Variants in ROBO1 observed in about 807,000 individuals in gnomAD.
The protein encoded by ROBO1 is roundabout homolog 1.
Under a neutral mutation model 195.9 loss-of-function variants are expected in ROBO1, and 149 were observed. The observed-to-expected ratio is 0.76, with a 90% confidence interval of 0.67 to 0.87. ROBO1 has a LOEUF of 0.87. Among genes scored for constraint, ROBO1 ranks in the 40% least tolerant of loss-of-function variants. The pLI, the probability that ROBO1 is intolerant of heterozygous loss-of-function variation, is 0.00. For missense variants in ROBO1, 1,933 were observed against 2,068.3 expected, an observed-to-expected ratio of 0.93 and a Z score of 1.27; for synonymous variants, 816 against 733.2, an observed-to-expected ratio of 1.11 and a Z score of -1.82.
intron 8 of ROBO1, chr3:78,693,406 C>CATA (rs1270564771): frequency 5.3e-6 from 7 of 1,326,202 alleles, no homozygotes; most frequent in Non-Finnish European, 6.3e-6. Context: ...AATAAGGAAA[C>CATA]ATAAAATGAA....
chr3:79,174,783 G>A (rs563480004), intron 2 of ROBO1, among the ~76,000 whole-genome samples: 1 of 151,356 alleles, frequency 6.6e-6, no homozygotes, highest in African/African-American at 2.4e-5. Flanking sequence ...GGCAACCTGG[G>A]AGGCGGAGCT....
At chr3:78,981,420 T>C (rs911813363) in intron 3 of ROBO1, among the ~76,000 whole-genome samples, 11 of 152,208 alleles carry the variant, frequency 7.2e-5, no homozygotes, top group Admixed American at 3.9e-4. Context: ...GTAGCACTTA[T>C]GTCTACATTA....
intron 4 of ROBO1, among the ~76,000 whole-genome samples, chr3:78,936,731 G>T (rs1241881090): frequency 6.6e-6 from 1 of 151,988 alleles, no homozygotes; most frequent in Non-Finnish European, 1.5e-5. Flanking sequence ...GCATTCATGG[G>T]TATTTGTATA....
At chr3:78,883,122 C>CT (rs1056096095) in intron 4 of ROBO1, among the ~76,000 whole-genome samples, 1 of 151,946 alleles carries the variant, frequency 6.6e-6, no homozygotes, top group African/African-American at 2.4e-5. Context: ...CATTCCCAAT[C>CT]TTTTCTCTCA....
In ROBO1 at chr3:78,946,920, C is replaced by T. The variant is rs146572269; in HGVS notation, c.173-7993G>A. On this transcript the variant is annotated intron_variant, in intron 3 of 30. Coordinates refer to ENST00000464233, the MANE Select transcript of ROBO1 (RefSeq NM_002941.4). ...TTAAACCAACAAAGATGAAAAGAGA[C>T]AAAGAAGGCTATTACATAATGGTAG... Among the ~76,000 whole-genome samples the T allele has an allele frequency of 7.4e-3, 1,120 of 152,184 alleles. 12 individuals are homozygous for T. The highest frequency in any genetic ancestry group is 0.026 in the African/African-American group (1,080 of 41,502).
chr3:78,746,635 C>A (rs960980580), intron 5 of ROBO1, 108 bp downstream of exon 5: 6 of 929,374 alleles, frequency 6.5e-6, no homozygotes, highest in Non-Finnish European at 7.4e-6. Flanking sequence ...TGGGAGCTGA[C>A]GCAAGCCTTT....
Position 78,694,032 on chromosome 3 carries a change from C to T in ROBO1, c.1046-5260G>A, listed in dbSNP as rs370518157. Among the ~76,000 whole-genome samples, 4 of 152,156 alleles carry T rather than the reference C, an allele frequency of 2.6e-5. No homozygotes were observed. In the South Asian group the frequency reaches 8.3e-4, roughly 32 times the overall value. On this transcript the variant is annotated intron_variant, in intron 8 of 30. Coordinates refer to ENST00000464233, the MANE Select transcript of ROBO1 (RefSeq NM_002941.4). ...AAAAGGTGTTGCATTTAAATTCTTG[C>T]ATATTTTTAATTGAGATGGTGCATA...
In ROBO1 at chr3:78,627,407, C is replaced by CA; in HGVS notation, c.3788dup (p.Thr1264AspfsTer89). On this transcript the variant is annotated frameshift_variant, in exon 26 of 31. Coordinates refer to ENST00000464233, the MANE Select transcript of ROBO1 (RefSeq NM_002941.4). LOFTEE classifies it high-confidence loss of function. The stretch of plus-strand genomic sequence containing the variant: ...GGAGTTCTTCCTGTGGGGAGGGAGT[C>CA]AGAGTGGCAGTGGACTGATGGCTAT... 1 of 1,612,618 alleles carries CA rather than the reference C, an allele frequency of 6.2e-7. No homozygotes were observed. The highest frequency in any genetic ancestry group is 8.5e-7 in the Non-Finnish European group (1 of 1,179,362).
intron 1 of ROBO1, among the ~76,000 whole-genome samples, chr3:79,759,901 CA>C (rs538506294): frequency 2.6e-5 from 4 of 151,824 alleles, no homozygotes; most frequent in Non-Finnish European, 5.9e-5. Context: ...GCACATAAAA[CA>C]AAAAATCAAT....
chr3:79,352,887 C>A (rs1457283156), intron 2 of ROBO1, among the ~76,000 whole-genome samples: 1 of 152,044 alleles, frequency 6.6e-6, no homozygotes. Flanking sequence ...TATATATATA[C>A]ACTCATTTAA....
At chr3:79,243,834 A>G (rs1213606013) in intron 2 of ROBO1, among the ~76,000 whole-genome samples, 1 of 152,072 alleles carries the variant, frequency 6.6e-6, no homozygotes, top group African/African-American at 2.4e-5. Context: ...CTTTAGTTTA[A>G]TTAGATCCCA....
In ROBO1 at chr3:79,494,058, G is replaced by T. The variant is rs569507728; in HGVS notation, c.88+95766C>A. Among the ~76,000 whole-genome samples the T allele has an allele frequency of 2.0e-5, 3 of 152,284 alleles. No homozygotes were observed. The South Asian group carries it at 6.2e-4, about 32-fold the overall frequency. On this transcript the variant is annotated intron_variant, in intron 2 of 30. Coordinates refer to ENST00000464233, the MANE Select transcript of ROBO1 (RefSeq NM_002941.4). Reference sequence around the variant, plus strand: ...ACTATTTGCTCTAAAAGTCATGTAAGAATAAGACTGCTTATTAGAAATCTC... The same window carrying T: ...ACTATTTGCTCTAAAAGTCATGTAATAATAAGACTGCTTATTAGAAATCTC...
At chr3:79,585,421 G>A (rs1367589363) in intron 2 of ROBO1, among the ~76,000 whole-genome samples, 2 of 151,866 alleles carry the variant, frequency 1.3e-5, no homozygotes, top group Non-Finnish European at 2.9e-5. Flanking sequence ...TGTGTATTGA[G>A]CTAATGCCTT....
At chr3:79,188,284 C>A (rs2108749701) in intron 2 of ROBO1, among the ~76,000 whole-genome samples, 1 of 151,920 alleles carries the variant, frequency 6.6e-6, no homozygotes, top group Non-Finnish European at 1.5e-5. Context: ...AGAGGAAAGG[C>A]TGTTGCTTCT....
At chr3:79,153,781 AATAAT>A (rs1462176330) in intron 2 of ROBO1, among the ~76,000 whole-genome samples, 90 of 148,754 alleles carry the variant, frequency 6.1e-4, no homozygotes, top group Non-Finnish European at 1.2e-3. Context: ...ATGTAATATA[AATAAT>A]ATATTACTCA....
chr3:79,655,975 A>C (rs1426862273), intron 1 of ROBO1, among the ~76,000 whole-genome samples: 1 of 152,072 alleles, frequency 6.6e-6, no homozygotes, highest in African/African-American at 2.4e-5. Flanking sequence ...ATTCATTAAT[A>C]AATCACTTAA....
chr3:78,989,887 G>A (rs1049313814), intron 3 of ROBO1, among the ~76,000 whole-genome samples: 1 of 151,910 alleles, frequency 6.6e-6, no homozygotes, highest in Non-Finnish European at 1.5e-5. Context: ...TGCTCTTCTG[G>A]ATTGTTTAAA....
intron 2 of ROBO1, among the ~76,000 whole-genome samples, chr3:79,303,027 ATTTG>A (rs1458658441): frequency 2.0e-5 from 3 of 152,116 alleles, no homozygotes; most frequent in East Asian, 1.9e-4. Flanking sequence ...ATATTTATTC[ATTTG>A]TTTGTTCATT....
chr3:78,714,645 T>A, intron 7 of ROBO1, 121 bp from the exon 8 acceptor site: 1 of 855,818 alleles, frequency 1.2e-6, no homozygotes, highest in Non-Finnish European at 1.7e-6. Flanking sequence ...AAACAAAGAG[T>A]AAAACATGGT....
Sources: allele counts gnomAD v4.1 joint callset (sites outside exome capture counted in the v4.1 genomes callset), GRCh38; gene constraint gnomAD v4.1.1; transcripts MANE v1.5; gene names NCBI Gene and HGNC (gene_info 2026-07-23, HGNC 2026-07-21).